The following MGAT4C variants were observed in gnomAD, a reference collection of about 807,000 sequenced individuals.
The protein encoded by MGAT4C is MGAT4 family member C, also known as alpha-1,3-mannosyl-glycoprotein 4-beta-N-acetylglucosaminyltransferase C.
A neutral mutation model predicts 40.1 loss-of-function variants in MGAT4C; 19 were observed. That is an observed-to-expected ratio of 0.47 (90% CI 0.33 to 0.70). MGAT4C has a LOEUF of 0.70. Among genes scored for constraint, MGAT4C ranks in the 30% least tolerant of loss-of-function variants. MGAT4C has a pLI of 0.02. For synonymous variants in MGAT4C, 181 were observed against 187.1 expected (o/e 0.97, Z 0.27); for missense variants, 491 against 563.2 (o/e 0.87, Z 1.30).
At chr12:86,321,777 A>C (rs1050016486) in intron 4 of MGAT4C, among the ~76,000 whole-genome samples, 1 of 152,148 alleles carries the variant, frequency 6.6e-6, no homozygotes. Context: ...TGTTGGTGGG[A>C]CTGTAAACTA....
At chr12:86,044,478 C>T (rs1892193870) in intron 2 of MGAT4C, among the ~76,000 whole-genome samples, 1 of 152,138 alleles carries the variant, frequency 6.6e-6, no homozygotes. Flanking sequence ...TGAGGGGATG[C>T]ATGCACACAC....
chr12:86,523,120 T>C (rs1392403376), intron 2 of MGAT4C, among the ~76,000 whole-genome samples: 1 of 152,000 alleles, frequency 6.6e-6, no homozygotes, highest in Non-Finnish European at 1.5e-5. Flanking sequence ...ATTTCCGGTA[T>C]TTATTGTCTT....
chr12:86,396,572 T>A (rs1367284841), intron 3 of MGAT4C, among the ~76,000 whole-genome samples: 1 of 152,144 alleles, frequency 6.6e-6, no homozygotes, highest in Admixed American at 6.6e-5. Flanking sequence ...TATTCATGTT[T>A]CAAGTATATT....
intron 2 of MGAT4C, among the ~76,000 whole-genome samples, chr12:86,477,519 T>C (rs1314661579): frequency 6.6e-6 from 1 of 151,998 alleles, no homozygotes; most frequent in East Asian, 1.9e-4. Flanking sequence ...GTAACAAACG[T>C]GCACATGTAC....
At chr12:86,270,988 C>T (rs1309880491) in intron 4 of MGAT4C, among the ~76,000 whole-genome samples, 1 of 152,106 alleles carries the variant, frequency 6.6e-6, no homozygotes, top group Non-Finnish European at 1.5e-5. Flanking sequence ...AACTGGAATT[C>T]TATCTTCCAC....
chr12:86,738,015 CT>C (rs1184626340), intron 1 of MGAT4C, among the ~76,000 whole-genome samples: 1 of 151,548 alleles, frequency 6.6e-6, no homozygotes, highest in East Asian at 1.9e-4. Context: ...ACTGAAAAGG[CT>C]TTAATTGATC....
Position 86,717,708 on chromosome 12 carries a change from G to A in MGAT4C, c.-229+9501C>T, listed in dbSNP as rs979180344. On this transcript the variant is annotated intron_variant, in intron 2 of 7. Coordinates refer to the MGAT4C transcript ENST00000548651. The stretch of plus-strand genomic sequence containing the variant: ...TGAAACATGAAATAAGAGGAAAAAA[G>A]TGCAAGAAATAAACACTCAAGGTGA... 3.3e-5 allele frequency among the ~76,000 whole-genome samples: 5 copies of A among 152,166 alleles called. No individual in the cohort carries two copies. In the South Asian group the frequency reaches 1.0e-3, roughly 32 times the overall value.
chr12:86,432,887 T>G (rs557698243), intron 3 of MGAT4C, among the ~76,000 whole-genome samples: 3 of 152,224 alleles, frequency 2.0e-5, no homozygotes, highest in African/African-American at 7.2e-5. Context: ...TATTTCCTGT[T>G]CAACTTTTTT....
intron 1 of MGAT4C, among the ~76,000 whole-genome samples, chr12:86,802,635 G>A (rs1952254548): frequency 1.3e-5 from 2 of 151,126 alleles, no homozygotes; most frequent in South Asian, 4.2e-4. Flanking sequence ...CAAACAGAGA[G>A]CCAAATCATG....
intron 1 of MGAT4C, among the ~76,000 whole-genome samples, chr12:86,816,463 A>C (rs1952608798): frequency 6.6e-6 from 1 of 151,756 alleles, no homozygotes; most frequent in African/African-American, 2.4e-5. Context: ...TTTTAAAAAA[A>C]TTTTTAATCT....
chr12:86,701,729 C>T (rs900587404), intron 2 of MGAT4C, among the ~76,000 whole-genome samples: 1 of 151,982 alleles, frequency 6.6e-6, no homozygotes, highest in Non-Finnish European at 1.5e-5. Flanking sequence ...CCAAAACAGG[C>T]TGAAAGGTAG....
intron 2 of MGAT4C, among the ~76,000 whole-genome samples, chr12:86,533,882 C>T (rs558420259): frequency 6.7e-4 from 102 of 151,802 alleles, no homozygotes; most frequent in Non-Finnish European, 1.3e-3. Flanking sequence ...AACTGACCAG[C>T]ATAAATGTTA....
intron 1 of MGAT4C, among the ~76,000 whole-genome samples, chr12:86,173,430 A>T (rs1368228714): frequency 6.6e-6 from 1 of 152,114 alleles, no homozygotes; most frequent in Admixed American, 6.6e-5. Context: ...TAGAACAACT[A>T]TTTAAGGATA....
chr12:86,792,086 T>G lies in MGAT4C; in HGVS notation c.-262+46580A>C, dbSNP rs564957138. On this transcript the variant is annotated intron_variant, in intron 1 of 7. Coordinates refer to the MGAT4C transcript ENST00000548651. ...AAAAATAGCATAATGCTTTCAAACC[T>G]AATGAAGGCACTACAAACAACTAAG... 6.6e-5 allele frequency among the ~76,000 whole-genome samples: 10 copies of G among 152,288 alleles called. No homozygotes were observed. In the South Asian group the frequency reaches 2.1e-3, roughly 32 times the overall value.
chr12:86,061,140 G>C (rs927663216), intron 1 of MGAT4C, among the ~76,000 whole-genome samples: 2 of 152,184 alleles, frequency 1.3e-5, no homozygotes, highest in South Asian at 4.1e-4. Context: ...GGTTATTTCT[G>C]CATTTCCAAC....
At chr12:86,183,043 A>C (rs909494362) in intron 1 of MGAT4C, among the ~76,000 whole-genome samples, 4 of 152,116 alleles carry the variant, frequency 2.6e-5, no homozygotes, top group Admixed American at 2.6e-4. Flanking sequence ...CTGTACTCTT[A>C]AGCACTGTTA....
At chr12:86,205,470 A>G (rs117523594) in intron 1 of MGAT4C, among the ~76,000 whole-genome samples, 161 of 151,808 alleles carry the variant, frequency 1.1e-3, no homozygotes, top group Non-Finnish European at 2.1e-3. Context: ...GTTGTAAAAC[A>G]TATATAATTT....
intron 2 of MGAT4C, among the ~76,000 whole-genome samples, chr12:86,005,640 A>C (rs551185859): frequency 6.6e-6 from 1 of 152,304 alleles, no homozygotes; most frequent in Non-Finnish European, 1.5e-5. Context: ...GAATTCATTC[A>C]AATCTGTAAG....
intron 3 of MGAT4C, among the ~76,000 whole-genome samples, chr12:86,426,879 A>G (rs1228045201): frequency 6.6e-6 from 1 of 152,106 alleles, no homozygotes; most frequent in Non-Finnish European, 1.5e-5. Flanking sequence ...CCCGGGAGGC[A>G]GAGCTTGCAG....
Sources: allele counts gnomAD v4.1 joint callset (sites outside exome capture counted in the v4.1 genomes callset), GRCh38; gene constraint gnomAD v4.1.1; transcripts MANE v1.5; gene names NCBI Gene and HGNC (gene_info 2026-07-23, HGNC 2026-07-21).